The following PHKB variants were observed in gnomAD, a reference collection of about 807,000 sequenced individuals.
PHKB encodes phosphorylase b kinase regulatory subunit beta.
Under a neutral mutation model 152.1 loss-of-function variants are expected in PHKB, and 122 were observed. The ratio of observed to expected loss-of-function variants is 0.80; its 90% confidence interval spans 0.69 to 0.93. The LOEUF is 0.93. Ranked by LOEUF, PHKB falls within the 40% of genes least tolerant of loss-of-function variation. The pLI is 0.00. For synonymous variants in PHKB, 436 were observed against 464.9 expected (o/e 0.94, Z 0.80); for missense variants, 1,304 against 1,328.4 (o/e 0.98, Z 0.29).
At chr16:47,501,921 G>A (rs1161682819) in intron 3 of PHKB, among the ~76,000 whole-genome samples, 1 of 152,074 alleles carries the variant, frequency 6.6e-6, no homozygotes. Flanking sequence ...CTGACCTCAA[G>A]GGGAAAAGTA....
intron 6 of PHKB, among the ~76,000 whole-genome samples, chr16:47,519,674 A>T (rs1450862847): frequency 6.6e-6 from 1 of 152,238 alleles, no homozygotes; most frequent in Non-Finnish European, 1.5e-5. Context: ...TAGCCTCAGA[A>T]GTCACATTTA....
At chr16:47,677,281 A>C (rs1416191786) in intron 26 of PHKB, among the ~76,000 whole-genome samples, 2 of 152,188 alleles carry the variant, frequency 1.3e-5, no homozygotes, top group Non-Finnish European at 2.9e-5. Flanking sequence ...CAGATAGCTC[A>C]GTTTGCCTCA....
chr16:47,461,462 A>T (rs760412739), intron 1 of PHKB, 36 bp downstream of exon 1: 1 of 1,602,708 alleles, frequency 6.2e-7, no homozygotes, highest in South Asian at 1.1e-5. Context: ...CCACCCGAGT[A>T]CCTTGGGTGG....
At chr16:47,665,319 T>A (rs1973519091) in intron 25 of PHKB, 1 of 266,512 alleles carries the variant, frequency 3.8e-6, no homozygotes, top group Admixed American at 5.1e-5. Flanking sequence ...ATGTATTGCA[T>A]GTGCTGTACT....
At chr16:47,485,753 A>G (rs1970038383) in intron 1 of PHKB, among the ~76,000 whole-genome samples, 2 of 152,148 alleles carry the variant, frequency 1.3e-5, no homozygotes, top group South Asian at 4.2e-4. Context: ...CTAAGTAGCT[A>G]GGACTACAGG....
intron 14 of PHKB, among the ~76,000 whole-genome samples, chr16:47,634,241 G>A (rs1972877351): frequency 6.6e-6 from 1 of 152,222 alleles, no homozygotes; most frequent in African/African-American, 2.4e-5. Flanking sequence ...AAATATCATT[G>A]TGTAACAGAT....
chr16:47,621,639 T>C (rs1468188266), intron 14 of PHKB, among the ~76,000 whole-genome samples: 1 of 152,188 alleles, frequency 6.6e-6, no homozygotes, highest in East Asian at 1.9e-4. Flanking sequence ...AAAGCGTTTG[T>C]GTGGGACCAA....
At chr16:47,651,625 C>T (rs996038709) in intron 20 of PHKB, among the ~76,000 whole-genome samples, 3 of 152,094 alleles carry the variant, frequency 2.0e-5, no homozygotes, top group East Asian at 1.9e-4. Flanking sequence ...ACTAAGACTG[C>T]GGTCTATTAT....
intron 7 of PHKB, among the ~76,000 whole-genome samples, chr16:47,549,031 A>G (rs1043304514): frequency 6.6e-6 from 1 of 152,198 alleles, no homozygotes; most frequent in East Asian, 1.9e-4. Flanking sequence ...AGGTTTTGTG[A>G]TTCATGTGAG....
chr16:47,520,941 A>T (rs1970675076), intron 6 of PHKB, among the ~76,000 whole-genome samples: 1 of 151,818 alleles, frequency 6.6e-6, no homozygotes, highest in Non-Finnish European at 1.5e-5. Context: ...ATTTCTTCTA[A>T]TGTGGTTTTG....
At chr16:47,653,508 TC>T (rs1462240267) in intron 20 of PHKB, among the ~76,000 whole-genome samples, 17 of 152,208 alleles carry the variant, frequency 1.1e-4, no homozygotes, top group African/African-American at 3.9e-4. Context: ...GTTCTCTTTG[TC>T]CTAATGGATT....
In PHKB at chr16:47,533,062, A is replaced by G. The variant is rs144692787; in HGVS notation, c.595-14371A>G. Reference sequence around the variant, plus strand: ...GAGTGGGAAGCTCCCCTCTGCAAGCAGGTCATCCCATCATCTCTGCAGCTC... The same window carrying G: ...GAGTGGGAAGCTCCCCTCTGCAAGCGGGTCATCCCATCATCTCTGCAGCTC... On this transcript the variant is annotated intron_variant, in intron 6 of 30. Transcript: ENST00000323584. 1.4e-4 allele frequency among the ~76,000 whole-genome samples: 21 copies of G among 152,272 alleles called. 1 individual carries two copies. The East Asian group carries it at 3.9e-3, about 28-fold the overall frequency.
rs1053483212 is a variant in PHKB, at chr16:47,559,163, G to A, written c.710+11615G>A. Among the ~76,000 whole-genome samples, 6 of 152,168 alleles carry A rather than the reference G, an allele frequency of 3.9e-5. No homozygotes were observed. The East Asian group carries it at 7.7e-4, about 19-fold the overall frequency. ...CGGGAACACATTCTTAAGGAAGAAAGCAAGTTAACAATGAATGTTTTTACA... is the reference window on the plus strand; with the variant it reads ...CGGGAACACATTCTTAAGGAAGAAAACAAGTTAACAATGAATGTTTTTACA... On this transcript the variant is annotated intron_variant, in intron 7 of 30. Transcript: ENST00000323584.
intron 27 of PHKB, among the ~76,000 whole-genome samples, chr16:47,692,531 G>A (rs561082431): frequency 5.9e-5 from 9 of 152,132 alleles, no homozygotes; most frequent in South Asian, 4.2e-4. Context: ...TGGGAGGATC[G>A]CTTGAGCCCA....
chr16:47,695,750 A>G (rs764647692), intron 28 of PHKB, among the ~76,000 whole-genome samples: 1 of 152,212 alleles, frequency 6.6e-6, no homozygotes, highest in Non-Finnish European at 1.5e-5. Flanking sequence ...AATATTCCCC[A>G]TGCCCAGATT....
chr16:47,578,313 A>G (rs1417947608), intron 7 of PHKB, among the ~76,000 whole-genome samples: 2 of 152,128 alleles, frequency 1.3e-5, no homozygotes, highest in Non-Finnish European at 2.9e-5. Context: ...CAACGTTAGC[A>G]TCCATTGATT....
chr16:47,482,912 G>T (rs1169900781), intron 1 of PHKB, among the ~76,000 whole-genome samples: 2 of 151,594 alleles, frequency 1.3e-5, no homozygotes, highest in Non-Finnish European at 2.9e-5. Context: ...GGAGAGATGG[G>T]GTTTTGCCAT....
chr16:47,504,246 G>GTGAC (rs1219312756), intron 4 of PHKB, among the ~76,000 whole-genome samples: 1 of 152,238 alleles, frequency 6.6e-6, no homozygotes, highest in African/African-American at 2.4e-5. Flanking sequence ...GCAACTGATT[G>GTGAC]TGACTAATTG....
chr16:47,535,521 A>T (rs1212284775), intron 6 of PHKB, among the ~76,000 whole-genome samples: 2 of 152,144 alleles, frequency 1.3e-5, no homozygotes, highest in East Asian at 3.9e-4. Context: ...GGTTATACTG[A>T]TTTATTATAC....
Sources: allele counts gnomAD v4.1 joint callset (sites outside exome capture counted in the v4.1 genomes callset), GRCh38; gene constraint gnomAD v4.1.1; transcripts MANE v1.5; gene names NCBI Gene and HGNC (gene_info 2026-07-23, HGNC 2026-07-21).